The following LRFN5 variants were observed in gnomAD, a reference collection of about 807,000 sequenced individuals.
LRFN5 encodes leucine-rich repeat and fibronectin type-III domain-containing protein 5.
LRFN5 carries 24 observed loss-of-function variants against 45.6 expected under a neutral mutation model. The ratio of observed to expected loss-of-function variants is 0.53; its 90% confidence interval spans 0.38 to 0.74. The LOEUF (loss-of-function observed/expected upper bound fraction) is 0.74, where lower values mean the gene tolerates loss of function less well. Among genes scored for constraint, LRFN5 ranks in the 30% least tolerant of loss-of-function variants. The pLI is 0.00. For missense variants in LRFN5, 776 were observed against 861.5 expected (o/e 0.90, Z 1.24); for synonymous variants, 340 against 313.8 (o/e 1.08, Z -0.88).
intron 2 of LRFN5, among the ~76,000 whole-genome samples, chr14:41,825,231 G>A (rs1006113894): frequency 5.3e-5 from 8 of 152,172 alleles, no homozygotes; most frequent in Admixed American, 3.9e-4. Context: ...ACCTGGAATG[G>A]CCATCCACAG....
At chr14:41,808,130 A>G (rs10148956) in intron 2 of LRFN5, among the ~76,000 whole-genome samples, 6,562 of 148,700 alleles carry the variant, frequency 0.044, 502 homozygotes, top group African/African-American at 0.15. Context: ...TTGAGCCTGT[A>G]TAATTATATG....
chr14:41,821,913 A>G (rs1261516057), intron 2 of LRFN5, among the ~76,000 whole-genome samples: 1 of 151,818 alleles, frequency 6.6e-6, no homozygotes, highest in Admixed American at 6.6e-5. Flanking sequence ...CCAGGAATTT[A>G]TCAAATTCCT....
At chr14:41,723,126 G>A (rs532935967) in intron 1 of LRFN5, among the ~76,000 whole-genome samples, 10 of 152,274 alleles carry the variant, frequency 6.6e-5, no homozygotes, top group African/African-American at 1.4e-4. Flanking sequence ...AGTGCAGCAC[G>A]ATCGCTCCAC....
chr14:41,670,031 CAT>C (rs1432562488), intron 1 of LRFN5, among the ~76,000 whole-genome samples: 4 of 148,434 alleles, frequency 2.7e-5, no homozygotes, highest in African/African-American at 4.9e-5. Context: ...TAAAATATAA[CAT>C]AATACAAAAA....
At chr14:41,895,829 GT>G (rs1398314757) in intron 4 of LRFN5, among the ~76,000 whole-genome samples, 2 of 151,508 alleles carry the variant, frequency 1.3e-5, no homozygotes, top group Non-Finnish European at 2.9e-5. Flanking sequence ...TGGAATAGAA[GT>G]TTTGAACCAT....
At chr14:41,811,413 C>T (rs1887731567) in intron 2 of LRFN5, among the ~76,000 whole-genome samples, 1 of 152,026 alleles carries the variant, frequency 6.6e-6, no homozygotes, top group Admixed American at 6.6e-5. Flanking sequence ...CAATCCTTGC[C>T]TTGGGTATAC....
At chr14:41,826,222 C>G (rs1291563191) in intron 2 of LRFN5, among the ~76,000 whole-genome samples, 1 of 152,136 alleles carries the variant, frequency 6.6e-6, no homozygotes, top group East Asian at 1.9e-4. Context: ...GTTTACAACT[C>G]TTCAGAGGTT....
At chr14:41,644,258 A>C (rs1879710804) in intron 1 of LRFN5, among the ~76,000 whole-genome samples, 1 of 151,806 alleles carries the variant, frequency 6.6e-6, no homozygotes, top group Non-Finnish European at 1.5e-5. Context: ...TTCCTAATGG[A>C]CTTTAAATCA....
At chr14:41,633,702 C>T (rs976268857) in intron 1 of LRFN5, among the ~76,000 whole-genome samples, 2 of 151,998 alleles carry the variant, frequency 1.3e-5, no homozygotes, top group African/African-American at 4.8e-5. Flanking sequence ...TTAAAAACAT[C>T]AAACAAAAAT....
At chr14:41,881,416 T>C (rs1276219715) in intron 2 of LRFN5, among the ~76,000 whole-genome samples, 1 of 151,954 alleles carries the variant, frequency 6.6e-6, no homozygotes, top group Non-Finnish European at 1.5e-5. Context: ...TTATAGTTAT[T>C]CTCCATATAT....
chr14:41,802,709 A>G (rs1188268533), intron 2 of LRFN5, among the ~76,000 whole-genome samples: 1 of 152,172 alleles, frequency 6.6e-6, no homozygotes, highest in Non-Finnish European at 1.5e-5. Context: ...GGCTAAAATC[A>G]TAGTAAAGAT....
intron 1 of LRFN5, among the ~76,000 whole-genome samples, chr14:41,720,387 G>A (rs1318288966): frequency 6.6e-6 from 1 of 152,004 alleles, no homozygotes; most frequent in Non-Finnish European, 1.5e-5. Flanking sequence ...TAGTAGAACA[G>A]CAATGAACAT....
intron 2 of LRFN5, among the ~76,000 whole-genome samples, chr14:41,881,109 C>T (rs994667869): frequency 1.3e-5 from 2 of 152,100 alleles, no homozygotes; most frequent in Non-Finnish European, 2.9e-5. Context: ...GAAGTTTTTG[C>T]TGTAGTTTAG....
intron 1 of LRFN5, among the ~76,000 whole-genome samples, chr14:41,630,598 T>C (rs1362176821): frequency 6.6e-6 from 1 of 152,106 alleles, no homozygotes; most frequent in Non-Finnish European, 1.5e-5. Flanking sequence ...TAATGAAACA[T>C]TGAGTAGAAT....
chr14:41,715,663 C>T (rs781224204), intron 1 of LRFN5, among the ~76,000 whole-genome samples: 8 of 152,190 alleles, frequency 5.3e-5, no homozygotes, highest in East Asian at 1.9e-4. Flanking sequence ...CAAGAGCATG[C>T]CCCCGTTGCT....
At chr14:41,652,056 A>G (rs1230947246) in intron 1 of LRFN5, among the ~76,000 whole-genome samples, 3 of 152,174 alleles carry the variant, frequency 2.0e-5, no homozygotes, top group Non-Finnish European at 2.9e-5. Flanking sequence ...CACATTCTGG[A>G]ATACTAGGGG....
At chr14:41,685,108 T>C (rs1256678019) in intron 1 of LRFN5, among the ~76,000 whole-genome samples, 1 of 152,166 alleles carries the variant, frequency 6.6e-6, no homozygotes, top group African/African-American at 2.4e-5. Flanking sequence ...AGATACTATC[T>C]TGTGCAAGTT....
rs185222816 is a variant in LRFN5, at chr14:41,838,620, G to T, written c.-20-47986G>T. On this transcript the variant is annotated intron_variant, in intron 2 of 5. Coordinates refer to ENST00000298119, the MANE Select transcript of LRFN5 (RefSeq NM_152447.5). ...GGTTTTGAAAGAAACTCAGATGGGGGTGCAGGGAGTAAAGAAATAAAGGCA... is the reference window on the plus strand; with the variant it reads ...GGTTTTGAAAGAAACTCAGATGGGGTTGCAGGGAGTAAAGAAATAAAGGCA... Among the ~76,000 whole-genome samples, 44 of 152,204 alleles carry T rather than the reference G, an allele frequency of 2.9e-4. 1 individual carries two copies. The highest frequency in any genetic ancestry group is 2.5e-3 in the East Asian group (13 of 5,186).
At chr14:41,849,006 A>G (rs1203834338) in intron 2 of LRFN5, among the ~76,000 whole-genome samples, 2 of 152,152 alleles carry the variant, frequency 1.3e-5, no homozygotes, top group Middle Eastern at 3.4e-3. Flanking sequence ...GTTAAGATAA[A>G]TATTGACTAA....
Sources: gnomAD v4.1 joint callset for allele counts (sites outside exome capture counted in the v4.1 genomes callset) on GRCh38, gnomAD v4.1.1 for gene constraint, MANE v1.5 for transcripts, NCBI Gene and HGNC (gene_info 2026-07-23, HGNC 2026-07-21) for gene names.